The following PCAT7 variants were observed in gnomAD, a reference collection of about 807,000 sequenced individuals.
The protein encoded by PCAT7 is prostate cancer associated transcript 7 (non-protein coding).
chr9:94,564,039 G>A (rs553763868), intron 2 of PCAT7, among the ~76,000 whole-genome samples: 1 of 152,274 alleles, frequency 6.6e-6, no homozygotes, highest in East Asian at 1.9e-4. Context: ...CACAATAATA[G>A]TGGCAGACTT....
upstream of PCAT7, among the ~76,000 whole-genome samples, chr9:94,554,864 C>A (rs536920099): frequency 1.0e-3 from 156 of 152,282 alleles, 1 homozygote; most frequent in African/African-American, 3.4e-3. Context: ...AGTAGCTCCC[C>A]ACACCCACAC....
At chr9:94,572,713 A>AAC (rs775319125) in intron 2 of PCAT7, among the ~76,000 whole-genome samples, 12 of 152,022 alleles carry the variant, frequency 7.9e-5, no homozygotes, top group South Asian at 2.1e-4. Flanking sequence ...ACACACACAC[A>AAC]ACACACACAT....
intron 2 of PCAT7, chr9:94,568,362 G>A (rs991419051): frequency 2.0e-5 from 3 of 152,204 alleles, no homozygotes; most frequent in Admixed American, 2.0e-4. Context: ...ACTGTGGTCA[G>A]TACCTGCAGG....
At chr9:94,555,821 G>A (rs1323020586) in intron 1 of PCAT7, among the ~76,000 whole-genome samples, 1 of 151,672 alleles carries the variant, frequency 6.6e-6, no homozygotes, top group East Asian at 1.9e-4. Flanking sequence ...GGGTGACAAG[G>A]AGGAGGAGAA....
intron 2 of PCAT7, among the ~76,000 whole-genome samples, chr9:94,562,111 A>G (rs1028626456): frequency 6.6e-6 from 1 of 151,950 alleles, no homozygotes; most frequent in African/African-American, 2.4e-5. Context: ...GGAGATCGAG[A>G]CCATCCTGGC....
chr9:94,565,250 C>CTGTA (rs1366589046), intron 2 of PCAT7, among the ~76,000 whole-genome samples: 1 of 151,344 alleles, frequency 6.6e-6, no homozygotes, highest in Non-Finnish European at 1.5e-5. Flanking sequence ...TGGCGGGAGG[C>CTGTA]TGTAATCCCA....
At chr9:94,554,645 A>G (rs1826977295), upstream of PCAT7, among the ~76,000 whole-genome samples, 1 of 152,246 alleles carries the variant, frequency 6.6e-6, no homozygotes, top group African/African-American at 2.4e-5. Flanking sequence ...CGGAGGCGCA[A>G]GCTCCGGCTC....
At chr9:94,571,627 ATGTGT>A in intron 2 of PCAT7, 1 of 1,599,418 alleles carries the variant, frequency 6.3e-7, no homozygotes, top group South Asian at 1.1e-5. Context: ...GATAAATGCC[ATGTGT>A]TATTGTTGTC....
At chr9:94,556,425 G>A (rs1458372611) in intron 1 of PCAT7, among the ~76,000 whole-genome samples, 1 of 152,026 alleles carries the variant, frequency 6.6e-6, no homozygotes, top group African/African-American at 2.4e-5. Flanking sequence ...AAAGTTTGGG[G>A]TAGATGGAGG....
chr9:94,574,101 TTC>T (rs1414751901), intron 3 of PCAT7, among the ~76,000 whole-genome samples: 5 of 152,212 alleles, frequency 3.3e-5, no homozygotes, highest in African/African-American at 4.8e-5. Context: ...GTTTCTAATA[TTC>T]TCTTTTTATC....
chr9:94,554,747 A>C (rs1475868445), upstream of PCAT7, among the ~76,000 whole-genome samples: 1 of 152,080 alleles, frequency 6.6e-6, no homozygotes, highest in Non-Finnish European at 1.5e-5. Context: ...CCGCTCCGTC[A>C]CCACCACCAC....
At chr9:94,560,504 T>C (rs10115929) in intron 2 of PCAT7, among the ~76,000 whole-genome samples, 102,731 of 151,858 alleles carry the variant, frequency 0.68, 35,388 homozygotes, top group African/African-American at 0.8. Context: ...ATCATCTTCT[T>C]CTTTCTCCCC....
At chr9:94,571,389 GCAGAGAACTGGCATTAAGGCA>G (rs1348351965) in intron 2 of PCAT7, 1 of 1,405,042 alleles carries the variant, frequency 7.1e-7, no homozygotes, top group Non-Finnish European at 9.6e-7. Context: ...GGACATTATC[GCAGAGAACTGGCATTAAGGCA>G]CAGAGGCCCA....
exon 2 of PCAT7, chr9:94,559,054 G>C (rs1298549480): frequency 6.2e-7 from 1 of 1,614,130 alleles, no homozygotes; most frequent in Non-Finnish European, 8.5e-7. Flanking sequence ...TCCAGTACAG[G>C]CTGGGTCCCC....
intron 2 of PCAT7, chr9:94,568,822 A>G (rs142615314): frequency 4.3e-4 from 66 of 152,268 alleles, no homozygotes; most frequent in African/African-American, 1.5e-3. Flanking sequence ...AAAATGATTA[A>G]GGTAACTAGT....
chr9:94,573,887 A>T (rs1308175764), intron 3 of PCAT7, among the ~76,000 whole-genome samples: 2 of 152,204 alleles, frequency 1.3e-5, no homozygotes, highest in Admixed American at 6.5e-5. Flanking sequence ...AAGAGACTGA[A>T]TAATCTGTGA....
At chr9:94,562,830 G>A (rs1040065949) in intron 2 of PCAT7, among the ~76,000 whole-genome samples, 7 of 152,188 alleles carry the variant, frequency 4.6e-5, no homozygotes, top group African/African-American at 1.7e-4. Flanking sequence ...TATATTGGCT[G>A]AGTTCTGAGT....
intron 3 of PCAT7, among the ~76,000 whole-genome samples, chr9:94,573,904 G>C (rs1374875767): frequency 6.6e-6 from 1 of 152,104 alleles, no homozygotes; most frequent in African/African-American, 2.4e-5. Flanking sequence ...GTGAATATTT[G>C]TTATGTTTTT....
At chr9:94,559,195 C>T (rs1025654709) in intron 2 of PCAT7, 4 of 1,464,500 alleles carry the variant, frequency 2.7e-6, no homozygotes, top group Non-Finnish European at 3.8e-6. Flanking sequence ...GAGCCATGCC[C>T]CTAAAGCTGG....
Sources: gnomAD v4.1 joint callset for allele counts (sites outside exome capture counted in the v4.1 genomes callset) on GRCh38, gnomAD v4.1.1 for gene constraint, MANE v1.5 for transcripts, NCBI Gene and HGNC (gene_info 2026-07-23, HGNC 2026-07-21) for gene names.